Variants in DACH1 observed in about 807,000 individuals in gnomAD.
The protein encoded by DACH1 is dachshund homolog 1.
A neutral mutation model predicts 54.2 loss-of-function variants in DACH1; 12 were observed. The ratio of observed to expected loss-of-function variants is 0.22; its 90% confidence interval spans 0.14 to 0.36. DACH1 has a LOEUF of 0.36. Ranked by LOEUF, DACH1 falls within the 10% of genes least tolerant of loss-of-function variation. The pLI, the probability that DACH1 is intolerant of heterozygous loss-of-function variation, is 1.00. For synonymous variants in DACH1, 386 were observed against 366.2 expected, an observed-to-expected ratio of 1.05 and a Z score of -0.62; for missense variants, 805 against 929.8, an observed-to-expected ratio of 0.87 and a Z score of 1.75.
At chr13:71,502,204 C>A (rs751903091) in intron 6 of DACH1, among the ~76,000 whole-genome samples, 93 of 152,214 alleles carry the variant, frequency 6.1e-4, no homozygotes, top group Middle Eastern at 6.8e-3. Context: ...TAAAACCAAG[C>A]CTATGTTCAC....
chr13:71,657,111 G>C (rs1013563362), intron 2 of DACH1, among the ~76,000 whole-genome samples: 2 of 150,870 alleles, frequency 1.3e-5, no homozygotes, highest in Non-Finnish European at 3.0e-5. Flanking sequence ...TATTGATCAA[G>C]TCAACTAACT....
chr13:71,542,876 C>A (rs1293981861), intron 6 of DACH1, among the ~76,000 whole-genome samples: 1 of 152,070 alleles, frequency 6.6e-6, no homozygotes, highest in Non-Finnish European at 1.5e-5. Context: ...TCAATTTAAA[C>A]AATAAGTGAG....
At chr13:71,735,257 G>C (rs116497465) in intron 1 of DACH1, among the ~76,000 whole-genome samples, 1 of 46,004 alleles carries the variant, frequency 2.2e-5, no homozygotes, top group African/African-American at 3.9e-5. Context: ...TGGGATATAC[G>C]TGTATATGGG....
At chr13:71,523,090 T>C (rs1881719055) in intron 6 of DACH1, among the ~76,000 whole-genome samples, 1 of 152,066 alleles carries the variant, frequency 6.6e-6, no homozygotes, top group Admixed American at 6.6e-5. Flanking sequence ...TTCCAGGTTA[T>C]TTTTTTCCAT....
At chr13:71,624,427 A>C (rs1015624154) in intron 3 of DACH1, among the ~76,000 whole-genome samples, 2 of 151,756 alleles carry the variant, frequency 1.3e-5, no homozygotes, top group Non-Finnish European at 2.9e-5. Context: ...ATTGACAGCT[A>C]TCAGTTCTAA....
chr13:71,810,945 C>T (rs1887684610), intron 1 of DACH1, among the ~76,000 whole-genome samples: 1 of 151,990 alleles, frequency 6.6e-6, no homozygotes, highest in South Asian at 2.1e-4. Flanking sequence ...TACCAATATC[C>T]CAGCTCAACA....
intron 7 of DACH1, among the ~76,000 whole-genome samples, chr13:71,488,603 T>A (rs1024862063): frequency 1.3e-5 from 2 of 151,976 alleles, no homozygotes; most frequent in Non-Finnish European, 2.9e-5. Flanking sequence ...ATTTCCTCAC[T>A]AGAAGTCCAG....
At chr13:71,542,028 A>G (rs1157006683) in intron 6 of DACH1, among the ~76,000 whole-genome samples, 1 of 148,490 alleles carries the variant, frequency 6.7e-6, no homozygotes, top group African/African-American at 2.5e-5. Context: ...CAGGCAGATC[A>G]CCTGAGGTCA....
chr13:71,833,704 A>G (rs1888675497), intron 1 of DACH1, among the ~76,000 whole-genome samples: 4 of 151,966 alleles, frequency 2.6e-5, no homozygotes, highest in Admixed American at 2.6e-4. Context: ...AAGAGCAGTG[A>G]GAGACGCCAC....
intron 3 of DACH1, among the ~76,000 whole-genome samples, chr13:71,585,415 C>A (rs1873171223): frequency 6.6e-6 from 1 of 152,068 alleles, no homozygotes; most frequent in South Asian, 2.1e-4. Context: ...AGCTGAGGTT[C>A]AGAGTGATTA....
intron 6 of DACH1, among the ~76,000 whole-genome samples, chr13:71,516,460 C>T (rs897220067): frequency 3.3e-5 from 5 of 151,796 alleles, no homozygotes; most frequent in East Asian, 1.9e-4. Context: ...TCCAAGATCA[C>T]GTACCTGTAT....
intron 3 of DACH1, among the ~76,000 whole-genome samples, chr13:71,616,823 A>C (rs571410495): frequency 1.3e-5 from 2 of 152,068 alleles, no homozygotes; most frequent in South Asian, 4.1e-4. Flanking sequence ...AGAAAGAGAG[A>C]GAGAGAGAGA....
At chr13:71,749,119 G>A (rs958383951) in intron 1 of DACH1, among the ~76,000 whole-genome samples, 1 of 151,630 alleles carries the variant, frequency 6.6e-6, no homozygotes. Flanking sequence ...TGAGTCACTG[G>A]GATTACAGGT....
At chr13:71,748,928 CTTT>C (rs1884785909) in intron 1 of DACH1, among the ~76,000 whole-genome samples, 1 of 42,494 alleles carries the variant, frequency 2.4e-5, no homozygotes, top group African/African-American at 5.3e-5. Flanking sequence ...TTCTTTCTTT[CTTT>C]CTTTCTTTCT....
chr13:71,679,128 A>C (rs1262936622), intron 2 of DACH1, among the ~76,000 whole-genome samples: 1 of 152,226 alleles, frequency 6.6e-6, no homozygotes, highest in Admixed American at 6.5e-5. Context: ...AATGTCTGAG[A>C]AGGCACAGTG....
intron 10 of DACH1, among the ~76,000 whole-genome samples, chr13:71,471,057 G>T (rs1877025149): frequency 6.6e-6 from 1 of 152,108 alleles, no homozygotes; most frequent in African/African-American, 2.4e-5. Flanking sequence ...GGACTTAAGG[G>T]GTGGTTAAGT....
At chr13:71,643,515 G>C (rs913344776) in intron 2 of DACH1, among the ~76,000 whole-genome samples, 1 of 152,154 alleles carries the variant, frequency 6.6e-6, no homozygotes, top group African/African-American at 2.4e-5. Flanking sequence ...GGAGTCTGTT[G>C]CATTATTCAT....
intron 3 of DACH1, among the ~76,000 whole-genome samples, chr13:71,582,376 C>T (rs1466087881): frequency 1.3e-5 from 2 of 152,046 alleles, no homozygotes; most frequent in East Asian, 3.9e-4. Flanking sequence ...ATATCTTAGG[C>T]CCTCAATTAA....
At chr13:71,806,038 C>T (rs1226123659) in intron 1 of DACH1, among the ~76,000 whole-genome samples, 2 of 152,164 alleles carry the variant, frequency 1.3e-5, no homozygotes, top group African/African-American at 4.8e-5. Context: ...AACTCCCGAC[C>T]TCAGGTGATC....
Sources: allele counts gnomAD v4.1 joint callset (sites outside exome capture counted in the v4.1 genomes callset), GRCh38; gene constraint gnomAD v4.1.1; transcripts MANE v1.5; gene names NCBI Gene and HGNC (gene_info 2026-07-23, HGNC 2026-07-21).